Variants in RIN2 observed in about 807,000 individuals in gnomAD.
RIN2 encodes the protein Ras and Rab interactor 2, also known as RAB5 interacting protein 2.
RIN2 carries 36 observed loss-of-function variants against 78.0 expected under a neutral mutation model. That is an observed-to-expected ratio of 0.46 (90% confidence interval 0.35 to 0.61). The LOEUF (loss-of-function observed/expected upper bound fraction) is 0.61, where lower values mean the gene tolerates loss of function less well. Among genes scored for constraint, RIN2 ranks in the 20% least tolerant of loss-of-function variants. The pLI is 0.00. For synonymous variants in RIN2, 466 were observed against 466.8 expected (o/e 1.00, Z 0.02); for missense variants, 1,087 against 1,159.7 (o/e 0.94, Z 0.91).
chr20:19,985,540 G>A (rs957419033), intron 9 of RIN2, among the ~76,000 whole-genome samples: 2 of 152,096 alleles, frequency 1.3e-5, no homozygotes, highest in Non-Finnish European at 1.5e-5. Context: ...TGGTTCAAAC[G>A]ATTTTTTACT....
intron 2 of RIN2, among the ~76,000 whole-genome samples, chr20:19,854,859 G>C (rs1400549294): frequency 6.6e-6 from 1 of 152,080 alleles, no homozygotes; most frequent in Non-Finnish European, 1.5e-5. Flanking sequence ...TTTCCTAATT[G>C]AATACCCTTT....
chr20:19,873,100 ATG>A (rs2037739693), intron 2 of RIN2, among the ~76,000 whole-genome samples: 1 of 151,402 alleles, frequency 6.6e-6, no homozygotes, highest in Non-Finnish European at 1.5e-5. Flanking sequence ...TCTTTTTTTA[ATG>A]TTTTATTTTA....
At chr20:19,962,626 G>T (rs1455675988) in intron 6 of RIN2, among the ~76,000 whole-genome samples, 1 of 152,216 alleles carries the variant, frequency 6.6e-6, no homozygotes, top group Admixed American at 6.5e-5. Context: ...ACAGGCCTGG[G>T]TCCCACTGCA....
intron 3 of RIN2, among the ~76,000 whole-genome samples, chr20:19,929,884 A>G (rs1035094918): frequency 1.3e-5 from 2 of 152,210 alleles, no homozygotes; most frequent in African/African-American, 2.4e-5. Flanking sequence ...CTTCAGTGGG[A>G]CAAAATCCAA....
At chr20:19,900,969 AAAAAGAAATGTACTTCTT>A (rs2038956161) in intron 3 of RIN2, among the ~76,000 whole-genome samples, 2 of 151,022 alleles carry the variant, frequency 1.3e-5, no homozygotes, top group Admixed American at 6.6e-5. Context: ...AAAAAAAAAA[AAAAAGAAATGTACTTCTT>A]GGATTCCACT....
In RIN2 at chr20:19,971,276, C is replaced by T. The variant is rs568738767; in HGVS notation, c.628+347C>T. Among the ~76,000 whole-genome samples the T allele has an allele frequency of 2.6e-5, 4 of 152,166 alleles. 1 individual carries two copies. Among genetic ancestry groups the T allele is most frequent in the African/African-American group, 9.6e-5 (4 of 41,486 alleles). Reference sequence around the variant, plus strand: ...CAGACATCTAGAGTAACGTCTGTTCCACTTCCTCTCTTGTCGTTCAATTGT... The same window carrying T: ...CAGACATCTAGAGTAACGTCTGTTCTACTTCCTCTCTTGTCGTTCAATTGT... On this transcript the variant is annotated intron_variant, in intron 8 of 12. Transcript: ENST00000255006.
chr20:19,949,585 T>C (rs16981373), intron 4 of RIN2, among the ~76,000 whole-genome samples: 17,553 of 152,318 alleles, frequency 0.12, 1,300 homozygotes, highest in East Asian at 0.38. Context: ...GTAAGTTTTG[T>C]CACAGAAATG....
intron 1 of RIN2, among the ~76,000 whole-genome samples, chr20:19,775,908 A>C (rs942062234): frequency 1.3e-5 from 2 of 152,236 alleles, no homozygotes; most frequent in African/African-American, 4.8e-5. Context: ...CGCTCCACCC[A>C]GGCAATCTGG....
At chr20:19,857,806 T>G (rs1568548609) in intron 2 of RIN2, among the ~76,000 whole-genome samples, 1 of 152,136 alleles carries the variant, frequency 6.6e-6, no homozygotes, top group African/African-American at 2.4e-5. Context: ...GGCAACAAAG[T>G]GAGACCCTGT....
chr20:19,780,044 G>A (rs964052332), intron 1 of RIN2, among the ~76,000 whole-genome samples: 3 of 152,128 alleles, frequency 2.0e-5, no homozygotes, highest in African/African-American at 7.2e-5. Flanking sequence ...TCTACTCATT[G>A]TATATGATTT....
intron 9 of RIN2, among the ~76,000 whole-genome samples, chr20:19,983,674 A>T (rs1477547999): frequency 6.6e-6 from 1 of 152,214 alleles, no homozygotes; most frequent in African/African-American, 2.4e-5. Flanking sequence ...GGATTTTTAA[A>T]TTTTAAATAT....
In RIN2 at chr20:19,975,850, T is replaced by A; in HGVS notation, c.1762+63T>A. ...AACTCTGTCCGGGCAGTGCAACCTA[T>A]GTTTGTTATTTTTTATGAAGTTTAC... On this transcript the variant is annotated intron_variant, in intron 9 of 12. Coordinates refer to ENST00000255006, the MANE Select transcript of RIN2 (RefSeq NM_018993.4). This position sits in a 1 kb window ranked among gnomAD's most constrained non-coding sequence, Gnocchi z 4.9. 1 of 1,438,988 alleles carries A rather than the reference T, an allele frequency of 6.9e-7. No individual in the cohort carries two copies. The highest frequency in any genetic ancestry group is 9.6e-7 in the Non-Finnish European group (1 of 1,045,840). The allele number at this position is 1,438,988 out of a possible 1,614,324, so 89.1% of individuals were successfully genotyped here.
At chr20:19,805,255 G>T (rs924507542) in intron 2 of RIN2, among the ~76,000 whole-genome samples, 2 of 152,176 alleles carry the variant, frequency 1.3e-5, no homozygotes, top group African/African-American at 4.8e-5. Context: ...AGGGCAAAGA[G>T]GCCATACAGT....
chr20:19,893,204 C>T (rs906373465), intron 3 of RIN2, among the ~76,000 whole-genome samples: 1 of 152,146 alleles, frequency 6.6e-6, no homozygotes, highest in African/African-American at 2.4e-5. Context: ...GACATTATAC[C>T]ATTTAGGAAG....
intron 1 of RIN2, among the ~76,000 whole-genome samples, chr20:19,768,539 G>T (rs1173777400): frequency 6.6e-6 from 1 of 152,308 alleles, no homozygotes; most frequent in Admixed American, 6.5e-5. Context: ...GCTTGCAAAT[G>T]TGCATGAAAA....
chr20:19,845,695 A>C (rs2036759710), intron 2 of RIN2, among the ~76,000 whole-genome samples: 1 of 151,606 alleles, frequency 6.6e-6, no homozygotes, highest in South Asian at 2.1e-4. Flanking sequence ...CACTCTGATG[A>C]TAGTTTCTTT....
At chr20:19,924,767 T>C in intron 3 of RIN2, among the ~76,000 whole-genome samples, 1 of 73,606 alleles carries the variant, frequency 1.4e-5, no homozygotes, top group Non-Finnish European at 2.3e-5. Context: ...GAGACGGAGT[T>C]TTGCTCTTGT....
intron 4 of RIN2, among the ~76,000 whole-genome samples, chr20:19,952,544 G>A (rs1876813): frequency 0.29 from 43,885 of 152,046 alleles, 9,137 homozygotes; most frequent in African/African-American, 0.59. Context: ...GTTTTATAAG[G>A]CCCCATGAAT....
intron 2 of RIN2, among the ~76,000 whole-genome samples, chr20:19,878,356 G>A (rs1158982680): frequency 6.6e-6 from 1 of 152,138 alleles, no homozygotes; most frequent in African/African-American, 2.4e-5. Context: ...GCTGAAAAGT[G>A]TGGGAGGGAA....
Sources: gnomAD v4.1 joint callset for allele counts (sites outside exome capture counted in the v4.1 genomes callset) on GRCh38, gnomAD v4.1.1 for gene constraint, Gnocchi (gnomAD v3.1) non-coding constraint, MANE v1.5 for transcripts, NCBI Gene and HGNC (gene_info 2026-07-23, HGNC 2026-07-21) for gene names.